The following TXNRD3 variants were observed in gnomAD, a reference collection of about 807,000 sequenced individuals.
TXNRD3 encodes the protein thioredoxin reductase 3, also known as TXNRD3 neighbor gene protein.
Under a neutral mutation model 78.2 loss-of-function variants are expected in TXNRD3, and 68 were observed. That is an observed-to-expected ratio of 0.87 (90% CI 0.72 to 1.06). The LOEUF (loss-of-function observed/expected upper bound fraction) is 1.06. TXNRD3 is among the 50% of genes least tolerant of loss of function. TXNRD3 has a pLI of 0.00. For missense variants in TXNRD3, 751 were observed against 809.5 expected (o/e 0.93, Z 0.88); for synonymous variants, 296 against 300.1 (o/e 0.99, Z 0.14).
intron 13 of TXNRD3, among the ~76,000 whole-genome samples, chr3:126,612,699 T>C (rs1245406069): frequency 1.3e-5 from 2 of 152,230 alleles, no homozygotes; most frequent in Non-Finnish European, 2.9e-5. Context: ...CTTTCATTCT[T>C]TCACTGGTTT....
intron 1 of TXNRD3, among the ~76,000 whole-genome samples, chr3:126,649,454 A>G (rs1210736287): frequency 6.6e-6 from 1 of 152,242 alleles, no homozygotes; most frequent in Non-Finnish European, 1.5e-5. Flanking sequence ...AAAAATTACA[A>G]ATAGAAATAT....
At chr3:126,611,373 A>G (rs1938195611) in intron 13 of TXNRD3, among the ~76,000 whole-genome samples, 1 of 152,186 alleles carries the variant, frequency 6.6e-6, no homozygotes, top group African/African-American at 2.4e-5. Context: ...AAAAATCCAC[A>G]AACAAAATTC....
chr3:126,608,607 A>G lies in TXNRD3; in HGVS notation c.1755T>C (p.Leu585=). Residue 585 remains leucine, a synonymous_variant, in exon 15 of 16, where the codon CTT becomes CTC. Coordinates refer to ENST00000524230, the MANE Select transcript of TXNRD3 (RefSeq NM_052883.3). ...GGGTAACCTCACCGGCGTTTGGTCC[A>G]AGAATATGAAATCCTATCACCCGAT... 2.0e-6 allele frequency: 3 copies of G among 1,535,690 alleles called. No homozygotes were observed. Among genetic ancestry groups the G allele is most frequent in the Non-Finnish European group, 1.7e-6 (2 of 1,146,754 alleles).
At chr3:126,629,298 G>T in intron 10 of TXNRD3, 81 bp downstream of exon 10, 1 of 980,560 alleles carries the variant, frequency 1.0e-6, no homozygotes. Flanking sequence ...TGTTAATCCT[G>T]GTATAATTTT....
chr3:126,643,529 G>T (rs1030490363), intron 5 of TXNRD3, among the ~76,000 whole-genome samples: 1 of 152,084 alleles, frequency 6.6e-6, no homozygotes, highest in Non-Finnish European at 1.5e-5. Context: ...AAACTTACGT[G>T]ACCACGACAC....
chr3:126,643,839 C>T, intron 5 of TXNRD3, 142 bp downstream of exon 5: 4 of 704,420 alleles, frequency 5.7e-6, no homozygotes, highest in South Asian at 3.3e-5. Context: ...AGCCTCTGGG[C>T]CAGGCCTAGA....
intron 6 of TXNRD3, among the ~76,000 whole-genome samples, chr3:126,639,835 CCTT>C (rs1933017184): frequency 6.6e-6 from 1 of 152,142 alleles, no homozygotes; most frequent in Non-Finnish European, 1.5e-5. Flanking sequence ...CTTGAACAAT[CCTT>C]CTACCTCAGC....
At chr3:126,628,698 T>C (rs1321673724) in intron 10 of TXNRD3, among the ~76,000 whole-genome samples, 2 of 152,108 alleles carry the variant, frequency 1.3e-5, no homozygotes, top group Admixed American at 6.5e-5. Flanking sequence ...AGATATACCA[T>C]GTTCATGGGT....
At chr3:126,651,007 T>C (rs1438205903) in intron 1 of TXNRD3, among the ~76,000 whole-genome samples, 3 of 152,230 alleles carry the variant, frequency 2.0e-5, no homozygotes, top group African/African-American at 4.8e-5. Flanking sequence ...TATTCATTTC[T>C]GTGTCTCTGC....
intron 11 of TXNRD3, 73 bp downstream of exon 11, chr3:126,622,391 G>T (rs1256501183): frequency 9.7e-7 from 1 of 1,028,366 alleles, no homozygotes; most frequent in African/African-American, 1.6e-5. Flanking sequence ...AATTAAATGA[G>T]AATTTCTTAG....
intron 6 of TXNRD3, among the ~76,000 whole-genome samples, chr3:126,635,847 C>T (rs1938847408): frequency 6.6e-6 from 1 of 151,978 alleles, no homozygotes; most frequent in Non-Finnish European, 1.5e-5. Context: ...ATTTATATTA[C>T]ACACATCACA....
chr3:126,630,925 A>G lies in TXNRD3; in HGVS notation c.984T>C (p.Phe328=). 1 of 1,535,110 alleles carries G rather than the reference A, an allele frequency of 6.5e-7. No individual in the cohort carries two copies. Among genetic ancestry groups the G allele is most frequent in the Non-Finnish European group, 8.7e-7 (1 of 1,146,602 alleles). Residue 328 remains phenylalanine, a synonymous_variant, in exon 9 of 16, where the codon TTT becomes TTC. Transcript: ENST00000524230. Reference sequence around the variant, plus strand: ...TTTTGCCAGGGCAATAAGGCAGAGAAAAAAGGTCATCACTGAAAAATAAAA... The same window carrying G: ...TTTTGCCAGGGCAATAAGGCAGAGAGAAAAGGTCATCACTGAAAAATAAAA...
intron 1 of TXNRD3, among the ~76,000 whole-genome samples, chr3:126,649,192 TAG>T (rs1933314867): frequency 1.3e-5 from 2 of 152,208 alleles, no homozygotes; most frequent in Admixed American, 1.3e-4. Context: ...CACTTGAATA[TAG>T]ATTTCTTCAA....
At chr3:126,644,803 T>C (rs1227910102) in intron 3 of TXNRD3, among the ~76,000 whole-genome samples, 1 of 152,254 alleles carries the variant, frequency 6.6e-6, no homozygotes, top group Non-Finnish European at 1.5e-5. Context: ...ACAATTCTTA[T>C]GCATTATCAG....
intron 1 of TXNRD3, among the ~76,000 whole-genome samples, chr3:126,650,398 T>C (rs1172887193): frequency 3.2e-5 from 2 of 63,084 alleles, no homozygotes; most frequent in Non-Finnish European, 1.0e-4. Context: ...ATCCCAGCTC[T>C]TTGGGAGGCC....
In TXNRD3 at chr3:126,644,088, G is replaced by C. The variant is rs974872921; in HGVS notation, c.520-35C>G. The C allele has an allele frequency of 7.8e-6, 12 of 1,530,164 alleles. No individual in the cohort carries two copies. In the African/African-American group the frequency reaches 1.6e-4, roughly 21 times the overall value. The allele number at this position is 1,530,164 out of a possible 1,614,324, so 94.8% of individuals were successfully genotyped here. On this transcript the variant is annotated intron_variant, in intron 4 of 15. Transcript: ENST00000524230. ...AACAACAACAAAAATTACGTATAAAGATCTTGTCACTTTCCTGACACTCCC... is the reference window on the plus strand; with the variant it reads ...AACAACAACAAAAATTACGTATAAACATCTTGTCACTTTCCTGACACTCCC...
chr3:126,629,974 A>C (rs1938671107), intron 9 of TXNRD3, among the ~76,000 whole-genome samples: 1 of 152,244 alleles, frequency 6.6e-6, no homozygotes, highest in Non-Finnish European at 1.5e-5. Flanking sequence ...ATAATGTTTA[A>C]AACTATGGGC....
At chr3:126,617,064 T>TTAA (rs1215601212) in intron 12 of TXNRD3, among the ~76,000 whole-genome samples, 1 of 152,202 alleles carries the variant, frequency 6.6e-6, no homozygotes, top group African/African-American at 2.4e-5. Context: ...GCCTCATTCT[T>TTAA]AATAGATGCC....
intron 5 of TXNRD3, among the ~76,000 whole-genome samples, chr3:126,642,939 A>C (rs1185243198): frequency 1.3e-5 from 2 of 152,206 alleles, no homozygotes; most frequent in African/African-American, 4.8e-5. Flanking sequence ...TTAACAGAGA[A>C]ATTATCACAA....
Sources: allele counts gnomAD v4.1 joint callset (sites outside exome capture counted in the v4.1 genomes callset), GRCh38; gene constraint gnomAD v4.1.1; transcripts MANE v1.5; gene names NCBI Gene and HGNC (gene_info 2026-07-23, HGNC 2026-07-21).